Variants in SNTG1 observed in about 807,000 individuals in gnomAD.
The protein encoded by SNTG1 is gamma-1-syntrophin.
SNTG1 carries 39 observed loss-of-function variants against 74.7 expected under a neutral mutation model. The ratio of observed to expected loss-of-function variants is 0.52; its 90% CI spans 0.40 to 0.68. SNTG1 has a LOEUF of 0.68. SNTG1 is among the 30% of genes least tolerant of loss of function. The probability of loss-of-function intolerance (pLI) is 0.00; values close to 1 mark genes in which losing one functional copy is unlikely to be tolerated. For missense variants in SNTG1, 685 were observed against 609.5 expected, an observed-to-expected ratio of 1.12 and a Z score of -1.30; for synonymous variants, 254 against 217.1, an observed-to-expected ratio of 1.17 and a Z score of -1.49.
intron 2 of SNTG1, among the ~76,000 whole-genome samples, chr8:50,214,648 G>A (rs2084690598): frequency 6.6e-6 from 1 of 151,954 alleles, no homozygotes; most frequent in Admixed American, 6.6e-5. Flanking sequence ...AATTTCCTTG[G>A]TGTTCTTTGT....
chr8:50,463,273 G>T (rs543074888), intron 8 of SNTG1, among the ~76,000 whole-genome samples: 13 of 152,228 alleles, frequency 8.5e-5, no homozygotes, highest in African/African-American at 3.1e-4. Flanking sequence ...CCATAAAACA[G>T]AAATGTTTTT....
chr8:50,541,774 C>T (rs1235058417), intron 11 of SNTG1, among the ~76,000 whole-genome samples: 1 of 151,824 alleles, frequency 6.6e-6, no homozygotes. Flanking sequence ...TTATACTATA[C>T]TATATATTTG....
intron 1 of SNTG1, among the ~76,000 whole-genome samples, chr8:50,026,897 A>T (rs1396083927): frequency 6.6e-6 from 1 of 152,188 alleles, no homozygotes; most frequent in Non-Finnish European, 1.5e-5. Flanking sequence ...ACATGTAGAT[A>T]AGTCAAGGTC....
chr8:50,071,604 G>A (rs185126019), intron 1 of SNTG1, among the ~76,000 whole-genome samples: 26 of 151,630 alleles, frequency 1.7e-4, no homozygotes, highest in East Asian at 1.2e-3. Flanking sequence ...TCGGCCTCAC[G>A]AGTAGCTGGG....
At chr8:49,984,262 A>G (rs1032545464) in intron 1 of SNTG1, among the ~76,000 whole-genome samples, 1 of 151,792 alleles carries the variant, frequency 6.6e-6, no homozygotes, top group Non-Finnish European at 1.5e-5. Context: ...CTGGAGTGCA[A>G]TGACATGATC....
intron 2 of SNTG1, among the ~76,000 whole-genome samples, chr8:50,304,992 T>C (rs149950435): frequency 7.9e-5 from 12 of 152,222 alleles, no homozygotes; most frequent in African/African-American, 2.9e-4. Context: ...AACCTCCACC[T>C]CCCAGGTTCA....
At chr8:50,290,018 C>G (rs1298872882) in intron 2 of SNTG1, among the ~76,000 whole-genome samples, 1 of 152,128 alleles carries the variant, frequency 6.6e-6, no homozygotes, top group East Asian at 1.9e-4. Context: ...GATAGGGGTA[C>G]AATTACGTTA....
intron 3 of SNTG1, among the ~76,000 whole-genome samples, chr8:50,400,154 T>C (rs2092783855): frequency 6.6e-6 from 1 of 152,176 alleles, no homozygotes; most frequent in South Asian, 2.1e-4. Flanking sequence ...CTCCCAGCAA[T>C]AGCCATGGAA....
chr8:50,114,868 A>G (rs966060562), intron 1 of SNTG1, among the ~76,000 whole-genome samples: 1 of 152,122 alleles, frequency 6.6e-6, no homozygotes, highest in Non-Finnish European at 1.5e-5. Context: ...CATCTCTAAA[A>G]AAGAAAAAAA....
intron 1 of SNTG1, among the ~76,000 whole-genome samples, chr8:49,993,957 G>GAGA (rs1813937191): frequency 6.6e-6 from 1 of 152,074 alleles, no homozygotes; most frequent in Non-Finnish European, 1.5e-5. Context: ...GTAAACATAT[G>GAGA]GGGAAAGTTC....
chr8:50,232,161 C>T (rs2085661998), intron 2 of SNTG1, among the ~76,000 whole-genome samples: 1 of 151,268 alleles, frequency 6.6e-6, no homozygotes, highest in Non-Finnish European at 1.5e-5. Context: ...AAATAAACTA[C>T]AGAGCAATAT....
intron 1 of SNTG1, among the ~76,000 whole-genome samples, chr8:50,161,615 A>T (rs2082418171): frequency 6.6e-6 from 1 of 152,090 alleles, no homozygotes; most frequent in Non-Finnish European, 1.5e-5. Context: ...TGTGTTCTGT[A>T]TGTGTATCTG....
At chr8:49,920,826 G>A (rs1806470156) in intron 1 of SNTG1, among the ~76,000 whole-genome samples, 1 of 152,118 alleles carries the variant, frequency 6.6e-6, no homozygotes, top group South Asian at 2.1e-4. Flanking sequence ...CTAATTGGGT[G>A]AAGGTTAGAA....
intron 1 of SNTG1, among the ~76,000 whole-genome samples, chr8:50,171,437 C>T (rs576399878): frequency 8.5e-5 from 13 of 152,172 alleles, no homozygotes; most frequent in African/African-American, 2.9e-4. Context: ...CCAGTCTAGT[C>T]TTTTCATGGT....
chr8:50,280,338 C>T (rs542889740), intron 2 of SNTG1, among the ~76,000 whole-genome samples: 4 of 152,282 alleles, frequency 2.6e-5, no homozygotes, highest in Admixed American at 2.6e-4. Flanking sequence ...GAAAAAATTT[C>T]TAGATGTGGG....
intron 17 of SNTG1, among the ~76,000 whole-genome samples, chr8:50,714,275 C>T (rs1298347141): frequency 6.6e-6 from 1 of 151,984 alleles, no homozygotes; most frequent in Non-Finnish European, 1.5e-5. Context: ...AGCACGATGC[C>T]TCCAGCTTTG....
At chr8:49,986,865 G>A (rs1813210278) in intron 1 of SNTG1, among the ~76,000 whole-genome samples, 1 of 152,240 alleles carries the variant, frequency 6.6e-6, no homozygotes, top group South Asian at 2.1e-4. Context: ...GTGAGCCACG[G>A]TCTCAAAATA....
chr8:49,974,761 TATA>T (rs770221844), intron 1 of SNTG1, among the ~76,000 whole-genome samples: 50 of 152,174 alleles, frequency 3.3e-4, no homozygotes, highest in Non-Finnish European at 5.9e-5. Flanking sequence ...AAATTGCATC[TATA>T]ATAAGTTTTA....
intron 17 of SNTG1, among the ~76,000 whole-genome samples, chr8:50,734,739 GGACATGTA>G (rs1262136954): frequency 7.4e-5 from 6 of 81,522 alleles, no homozygotes; most frequent in Non-Finnish European, 1.1e-4. Context: ...CTATATATAT[GGACATGTA>G]TATAGATATC....
Sources: allele counts gnomAD v4.1 joint callset (sites outside exome capture counted in the v4.1 genomes callset), GRCh38; gene constraint gnomAD v4.1.1; transcripts MANE v1.5; gene names NCBI Gene and HGNC (gene_info 2026-07-23, HGNC 2026-07-21).